Variants in UCN3 observed in about 807,000 individuals in gnomAD.
UCN3 encodes the protein urocortin 3.
In UCN3, 3 loss-of-function variants were observed where a neutral mutation model predicts 3.6. That is an observed-to-expected ratio of 0.83 (90% confidence interval 0.38 to 2.15). The LOEUF is 2.15. Ranked by LOEUF, UCN3 falls within the 30% of genes most tolerant of loss-of-function variation. The pLI is 0.06. For missense variants in UCN3, 206 were observed against 208.3 expected, an observed-to-expected ratio of 0.99 and a Z score of 0.07; for synonymous variants, 100 against 93.2, an observed-to-expected ratio of 1.07 and a Z score of -0.42.
At chr10:5,371,321 G>A (rs1302488028) in intron 1 of UCN3, among the ~76,000 whole-genome samples, 6 of 148,996 alleles carry the variant, frequency 4.0e-5, no homozygotes, top group East Asian at 1.9e-4. Flanking sequence ...GTGTATGTAC[G>A]TGTAAGGTGT....
Position 5,373,769 on chromosome 10 carries a change from G to A in UCN3, c.49G>A (p.Gly17Ser), listed in dbSNP as rs782619213. 2 of 1,613,808 alleles carry A rather than the reference G, an allele frequency of 1.2e-6. No homozygotes were observed. Among genetic ancestry groups the A allele is most frequent in the Non-Finnish European group, 1.7e-6 (2 of 1,179,902 alleles). Reference sequence around the variant, plus strand: ...GCTGCTCCTGCTGCTGCTCCTGGGGGGCCCCAGGACAGGCCTCCCCCACAA... The same window carrying A: ...GCTGCTCCTGCTGCTGCTCCTGGGGAGCCCCAGGACAGGCCTCCCCCACAA... The part of the protein sequence containing the change: ...FLLLLLLLLG[G>S]PRTGLPHKFY... The change falls in exon 2 of 2, where the codon GGC becomes AGC. Residue 17 changes from glycine to serine, a missense_variant. Gly to Ser is a moderately conservative substitution (Grantham distance 56, BLOSUM62 0). Transcript: ENST00000380433.
In UCN3 at chr10:5,366,953, C is replaced by T. The variant is rs1834122754; in HGVS notation, c.-7+1723C>T. 2.0e-5 allele frequency among the ~76,000 whole-genome samples: 3 copies of T among 152,188 alleles called. No homozygotes were observed. Among genetic ancestry groups the T allele is most frequent in the Non-Finnish European group, 4.4e-5 (3 of 68,034 alleles). On this transcript the variant is annotated intron_variant, in intron 1 of 1. Coordinates refer to ENST00000380433, the MANE Select transcript of UCN3 (RefSeq NM_053049.4). The surrounding 1 kb of genome is among the most constrained non-coding windows in gnomAD (Gnocchi z 4.2). Reference sequence around the variant, plus strand: ...CACAGATTTTTCCACACCTTCAGCACCCTAGCCGTGATTACAGTATTCTTC... The same window carrying T: ...CACAGATTTTTCCACACCTTCAGCATCCTAGCCGTGATTACAGTATTCTTC...
Position 5,367,092 on chromosome 10 carries a change from A to G in UCN3, c.-7+1862A>G, listed in dbSNP as rs2132244392. Among the ~76,000 whole-genome samples the G allele has an allele frequency of 6.6e-6, 1 of 152,328 alleles. No individual in the cohort carries two copies. The highest frequency in any genetic ancestry group is 1.9e-4 in the East Asian group (1 of 5,186). On this transcript the variant is annotated intron_variant, in intron 1 of 1. Coordinates refer to ENST00000380433, the MANE Select transcript of UCN3 (RefSeq NM_053049.4). This position sits in a 1 kb window ranked among gnomAD's most constrained non-coding sequence, Gnocchi z 4.3. Reference sequence around the variant, plus strand: ...AAAAGTAAATATAGAGGTAAAAGGGATCTCACTCCCTCTCCCCAATGCCTT... The same window carrying G: ...AAAAGTAAATATAGAGGTAAAAGGGGTCTCACTCCCTCTCCCCAATGCCTT...
chr10:5,368,455 C>T (rs1325064308), intron 1 of UCN3, among the ~76,000 whole-genome samples: 1 of 152,142 alleles, frequency 6.6e-6, no homozygotes, highest in Non-Finnish European at 1.5e-5. Flanking sequence ...CAAAGATTCT[C>T]GAACTCAATC....
rs1564443652 is a variant in UCN3, at chr10:5,370,848, TGCGCGTGTGTGTGC to T, written c.-6-2865_-6-2852del. 4.3e-3 allele frequency among the ~76,000 whole-genome samples: 279 copies of T among 64,958 alleles called. 14 individuals carry two copies. The highest frequency in any genetic ancestry group is 0.016 in the African/African-American group (238 of 14,534). The allele number at this position is 64,958 out of a possible 152,430, so 42.6% of individuals were successfully genotyped here. A position where few individuals can be genotyped will look rare whatever the true frequency, so the allele number is the denominator to read the frequency against. ...GCGCGCGTGTGTGTGCGCGTGTGTG[TGCGCGTGTGTGTGC>T]GTGTGTATGTGTGTGTATATGCGTG... On this transcript the variant is annotated intron_variant, in intron 1 of 1. Coordinates refer to ENST00000380433, the MANE Select transcript of UCN3 (RefSeq NM_053049.4).
chr10:5,368,160 C>T (rs1378772656), intron 1 of UCN3, among the ~76,000 whole-genome samples: 8 of 152,078 alleles, frequency 5.3e-5, no homozygotes, highest in East Asian at 3.9e-4. Flanking sequence ...TGTGCCACCA[C>T]GCCTGGCTAA....
chr10:5,370,927 A>ATATGTGTGTGTG (rs1564443841), intron 1 of UCN3, among the ~76,000 whole-genome samples: 1 of 131,176 alleles, frequency 7.6e-6, no homozygotes, highest in Non-Finnish European at 1.6e-5. Context: ...ATGCGTGTGT[A>ATATGTGTGTGTG]TATGTGTGTT....
rs1491270050 is a variant in UCN3 at position 5,370,459 on chromosome 10, ATG to A, written c.-6-3250_-6-3249del. On this transcript the variant is annotated intron_variant, in intron 1 of 1. Transcript: ENST00000380433. ...TATGCGTGTGTATGTGTGTGTGTAT[ATG>A]TGTGTATATGCGTGTGTATATGTGT... Among the ~76,000 whole-genome samples, 6 of 15,420 alleles carry A rather than the reference ATG, an allele frequency of 3.9e-4. 1 individual carries two copies. The highest frequency in any genetic ancestry group is 7.9e-3 in the South Asian group (2 of 252). The allele number at this position is 15,420 out of a possible 152,430, so 10.1% of individuals were successfully genotyped here.
At position 5,374,034 on chromosome 10, in the gene UCN3, G is replaced by A. The variant is rs375947482; in HGVS notation, c.314G>A (p.Gly105Glu). The A allele has an allele frequency of 4.3e-6, 7 of 1,612,504 alleles. No individual in the cohort carries two copies. The highest frequency in any genetic ancestry group is 1.1e-5 in the South Asian group (1 of 90,824). The change falls in exon 2 of 2, where the codon GGA becomes GAA. Residue 105 changes from glycine (G) to glutamate (E), a missense_variant. By Grantham distance (98) the Gly-to-Glu change is moderately conservative. Coordinates refer to ENST00000380433, the MANE Select transcript of UCN3 (RefSeq NM_053049.4). ...YRYVSQAQPR[G>E]KPRQDTAKSP... ...TACGTGTCCCAAGCACAGCCCAGGG[G>A]AAAGCCACGCCAGGACACGGCCAAG...
In UCN3 at chr10:5,371,071, G is replaced by A. The variant is rs952951757; in HGVS notation, c.-6-2644G>A. ...TGTGTGTGTATGTATGTACGTGTGA[G>A]GTGTGTATGTGTGTGCATGTGTATG... On this transcript the variant is annotated intron_variant, in intron 1 of 1. Transcript: ENST00000380433. Among the ~76,000 whole-genome samples, 12 of 148,908 alleles carry A rather than the reference G, an allele frequency of 8.1e-5. No individual in the cohort carries two copies. In the South Asian group the frequency reaches 2.5e-3, roughly 32 times the overall value.
At position 5,369,861 on chromosome 10, in the gene UCN3, G is replaced by GCAT. The variant is rs1554811020; in HGVS notation, c.-6-3854_-6-3853insCAT. 5.9e-5 allele frequency among the ~76,000 whole-genome samples: 8 copies of GCAT among 134,576 alleles called. 2 individuals are homozygous for GCAT. Among genetic ancestry groups the GCAT allele is most frequent in the African/African-American group, 2.1e-4 (7 of 33,836 alleles). The allele number at this position is 134,576 out of a possible 152,430, so 88.3% of individuals were successfully genotyped here. On this transcript the variant is annotated intron_variant, in intron 1 of 1. Coordinates refer to ENST00000380433, the MANE Select transcript of UCN3 (RefSeq NM_053049.4). ...GTGCTGGGTAAACATTTATCCACGT[G>GCAT]GGTGTGTGTGTATATGTGTGTGTAT...
At chr10:5,369,116 G>T (rs1056067411) in intron 1 of UCN3, among the ~76,000 whole-genome samples, 3 of 152,276 alleles carry the variant, frequency 2.0e-5, no homozygotes, top group Admixed American at 2.0e-4. Context: ...CTTAGACTAA[G>T]GGCAAAAGGA....
At chr10:5,369,746 C>A (rs1447868444) in intron 1 of UCN3, among the ~76,000 whole-genome samples, 9 of 152,098 alleles carry the variant, frequency 5.9e-5, no homozygotes, top group African/African-American at 2.2e-4. Flanking sequence ...CAAAGCAAAA[C>A]CTGATTTCTT....
intron 1 of UCN3, among the ~76,000 whole-genome samples, chr10:5,370,685 GTATGTGTGTATA>G (rs1831386090): frequency 2.7e-5 from 2 of 72,818 alleles, no homozygotes; most frequent in South Asian, 8.5e-4. Flanking sequence ...ATGTGTGTGT[GTATGTGTGTATA>G]TGTGTGTGTA....
At chr10:5,370,826 C>T (rs868974012) in intron 1 of UCN3, among the ~76,000 whole-genome samples, 1,771 of 41,166 alleles carry the variant, frequency 0.043, 155 homozygotes, top group Middle Eastern at 0.12. Context: ...TGTGTGTGCG[C>T]GCGTGTGTGT....
At chr10:5,371,166 T>C (rs1275139612) in intron 1 of UCN3, among the ~76,000 whole-genome samples, 1 of 151,328 alleles carries the variant, frequency 6.6e-6, no homozygotes, top group Non-Finnish European at 1.5e-5. Context: ...TGTGTGTGCA[T>C]GTGTATGTAT....
At chr10:5,370,872 T>G (rs200884578) in intron 1 of UCN3, among the ~76,000 whole-genome samples, 1 of 81,680 alleles carries the variant, frequency 1.2e-5, no homozygotes, top group African/African-American at 5.1e-5. Flanking sequence ...CGTGTGTATG[T>G]GTGTGTATAT....
At chr10:5,369,978 CGTGTGTATATGTGTGTATGTGTGT>C in intron 1 of UCN3, among the ~76,000 whole-genome samples, 1 of 14,354 alleles carries the variant, frequency 7.0e-5, no homozygotes. Context: ...TGTGTATATG[CGTGTGTATATGTGTGTATGTGTGT>C]GTGTATGTGT....
At chr10:5,371,216 G>A (rs1335226576) in intron 1 of UCN3, among the ~76,000 whole-genome samples, 1 of 150,952 alleles carries the variant, frequency 6.6e-6, no homozygotes, top group Non-Finnish European at 1.5e-5. Flanking sequence ...GTGTGCATAT[G>A]TGTGCATGTA....
Sources: allele counts gnomAD v4.1 joint callset (sites outside exome capture counted in the v4.1 genomes callset), GRCh38; gene constraint gnomAD v4.1.1; non-coding constraint Gnocchi (gnomAD v3.1); transcripts MANE v1.5; gene names NCBI Gene and HGNC (gene_info 2026-07-23, HGNC 2026-07-21).